CLASP1: variants seen among roughly 807,000 people sequenced by gnomAD.
CLASP1 encodes the protein CLIP-associating protein 1.
In CLASP1, 38 loss-of-function variants were observed where a neutral mutation model predicts 192.3. The ratio of observed to expected loss-of-function variants is 0.20; its 90% CI spans 0.15 to 0.26. The LOEUF (loss-of-function observed/expected upper bound fraction) is 0.26. CLASP1 is among the 10% of genes least tolerant of loss of function. CLASP1 has a pLI of 1.00. For synonymous variants in CLASP1, 691 were observed against 712.8 expected, an observed-to-expected ratio of 0.97 and a Z score of 0.49; for missense variants, 1,433 against 1,932.5, an observed-to-expected ratio of 0.74 and a Z score of 4.85.
chr2:121,500,397 A>AAAAG (rs879893741), intron 8 of CLASP1, among the ~76,000 whole-genome samples: 5 of 132,130 alleles, frequency 3.8e-5, no homozygotes, highest in African/African-American at 1.1e-4. Context: ...AGAAAGAAAG[A>AAAAG]AAAGAAAGAA....
exon 40 of CLASP1, chr2:121,338,530 CG>C (rs2149062104): frequency 6.5e-6 from 1 of 152,802 alleles, no homozygotes; most frequent in South Asian, 2.1e-4. Context: ...AGGGAGGCGG[CG>C]GCAAGGCAAG....
At chr2:121,454,914 C>A (rs1194957194) in intron 14 of CLASP1, among the ~76,000 whole-genome samples, 1 of 152,218 alleles carries the variant, frequency 6.6e-6, no homozygotes, top group Non-Finnish European at 1.5e-5. Context: ...AAATGTTTTA[C>A]GTAATGATTG....
intron 1 of CLASP1, among the ~76,000 whole-genome samples, chr2:121,611,103 G>A (rs6742895): frequency 0.09 from 10,479 of 116,506 alleles, 715 homozygotes; most frequent in African/African-American, 0.28. Context: ...AGTTACAGGA[G>A]AAAGAGGAAC....
chr2:121,361,013 T>G (rs1460884137), intron 37 of CLASP1, among the ~76,000 whole-genome samples: 1 of 152,228 alleles, frequency 6.6e-6, no homozygotes, highest in African/African-American at 2.4e-5. Flanking sequence ...ACCAATTACT[T>G]AATGTTGTTA....
chr2:121,518,819 A>G (rs985207632), intron 6 of CLASP1, among the ~76,000 whole-genome samples: 2 of 152,168 alleles, frequency 1.3e-5, no homozygotes, highest in Non-Finnish European at 2.9e-5. Flanking sequence ...CAGAGGTTGC[A>G]GTGAGCCGAG....
intron 1 of CLASP1, among the ~76,000 whole-genome samples, chr2:121,638,687 G>A (rs1328572994): frequency 6.9e-6 from 1 of 145,628 alleles, no homozygotes; most frequent in Non-Finnish European, 1.5e-5. Flanking sequence ...TTTTTTTTGA[G>A]ACAGAGTTTT....
chr2:121,526,155 G>T (rs1466020210), intron 5 of CLASP1, among the ~76,000 whole-genome samples: 1 of 152,176 alleles, frequency 6.6e-6, no homozygotes, highest in Non-Finnish European at 1.5e-5. Flanking sequence ...TGTCCCCCAG[G>T]GCTCTGGCCA....
At chr2:121,384,385 A>G (rs985409460) in intron 32 of CLASP1, among the ~76,000 whole-genome samples, 1 of 151,866 alleles carries the variant, frequency 6.6e-6, no homozygotes. Flanking sequence ...ACAGGATCTC[A>G]CTATGTTGCC....
intron 2 of CLASP1, among the ~76,000 whole-genome samples, chr2:121,570,844 AG>A (rs2105406377): frequency 6.6e-6 from 1 of 152,262 alleles, no homozygotes; most frequent in South Asian, 2.1e-4. Context: ...CTGGATATGA[AG>A]GAAACAAGGA....
chr2:121,603,341 C>G (rs1201517836), intron 2 of CLASP1, among the ~76,000 whole-genome samples: 2 of 152,052 alleles, frequency 1.3e-5, no homozygotes, highest in African/African-American at 2.4e-5. Context: ...CATCACTAAT[C>G]ATGAGGGAAA....
chr2:121,539,636 C>T (rs2104975847), intron 2 of CLASP1, among the ~76,000 whole-genome samples: 1 of 152,256 alleles, frequency 6.6e-6, no homozygotes, highest in South Asian at 2.1e-4. Context: ...TGAACTGGAC[C>T]AAATTAGAAT....
intron 2 of CLASP1, among the ~76,000 whole-genome samples, chr2:121,557,419 A>C (rs771975351): frequency 2.6e-5 from 4 of 151,624 alleles, no homozygotes; most frequent in Admixed American, 1.3e-4. Flanking sequence ...CCCCATCTCT[A>C]CTAAAAATAC....
At chr2:121,614,277 C>A (rs1276545541) in intron 1 of CLASP1, among the ~76,000 whole-genome samples, 1 of 148,284 alleles carries the variant, frequency 6.7e-6, no homozygotes, top group East Asian at 1.9e-4. Flanking sequence ...AGGTGGATGA[C>A]CTGAGGTCAG....
chr2:121,634,660 C>A (rs749660558), intron 1 of CLASP1, among the ~76,000 whole-genome samples: 2 of 152,192 alleles, frequency 1.3e-5, no homozygotes, highest in Non-Finnish European at 2.9e-5. Flanking sequence ...GCAAGCTTTT[C>A]CCACTATGTT....
At chr2:121,527,424 C>T (rs2094600633) in intron 5 of CLASP1, among the ~76,000 whole-genome samples, 1 of 152,088 alleles carries the variant, frequency 6.6e-6, no homozygotes, top group African/African-American at 2.4e-5. Flanking sequence ...CTTGAAATGA[C>T]AAAATCATAG....
intron 30 of CLASP1, among the ~76,000 whole-genome samples, chr2:121,394,386 C>A (rs2074924538): frequency 1.3e-5 from 2 of 152,180 alleles, no homozygotes; most frequent in Admixed American, 6.5e-5. Context: ...ACAGTGAATT[C>A]TTGGCTGAGC....
chr2:121,427,040 AT>A (rs1181050824), intron 21 of CLASP1, among the ~76,000 whole-genome samples: 1 of 151,738 alleles, frequency 6.6e-6, no homozygotes, highest in African/African-American at 2.4e-5. Flanking sequence ...TTAAAAATAC[AT>A]ATTATATAAA....
chr2:121,387,990 A>T, intron 30 of CLASP1, 84 bp from the exon 32 acceptor site: 1 of 1,099,710 alleles, frequency 9.1e-7, no homozygotes, highest in Non-Finnish European at 1.3e-6. Flanking sequence ...AAAATATTTT[A>T]TAAGTAAAAT....
intron 37 of CLASP1, among the ~76,000 whole-genome samples, chr2:121,351,763 C>T (rs894429690): frequency 6.6e-6 from 1 of 152,214 alleles, no homozygotes; most frequent in Admixed American, 6.5e-5. Context: ...AGGGTAAGTA[C>T]TGTGTACAGG....
Sources: gnomAD v4.1 joint callset for allele counts (sites outside exome capture counted in the v4.1 genomes callset) on GRCh38, gnomAD v4.1.1 for gene constraint, MANE v1.5 for transcripts, NCBI Gene and HGNC (gene_info 2026-07-23, HGNC 2026-07-21) for gene names.